Variants in CDKAL1 observed in about 807,000 individuals in gnomAD.
The protein encoded by CDKAL1 is threonylcarbamoyladenosine tRNA methylthiotransferase.
Under a neutral mutation model 68.2 loss-of-function variants are expected in CDKAL1, and 32 were observed. That is an observed-to-expected ratio of 0.47 (90% CI 0.35 to 0.63). The LOEUF (loss-of-function observed/expected upper bound fraction) is 0.63. Among genes scored for constraint, CDKAL1 ranks in the 30% least tolerant of loss-of-function variants. CDKAL1 has a pLI of 0.00. For synonymous variants in CDKAL1, 234 were observed against 244.3 expected (o/e 0.96, Z 0.39); for missense variants, 606 against 696.7 (o/e 0.87, Z 1.47).
chr6:21,203,880 G>C (rs1466493327), intron 15 of CDKAL1, among the ~76,000 whole-genome samples: 1 of 151,820 alleles, frequency 6.6e-6, no homozygotes, highest in East Asian at 1.9e-4. Context: ...GACCTCTTTT[G>C]ATGAAATTGA....
chr6:20,656,773 A>G (rs572797132), intron 5 of CDKAL1, among the ~76,000 whole-genome samples: 1 of 152,340 alleles, frequency 6.6e-6, no homozygotes, highest in Non-Finnish European at 1.5e-5. Flanking sequence ...TTAAGTAGAA[A>G]TGGCAAGAAA....
intron 13 of CDKAL1, among the ~76,000 whole-genome samples, chr6:21,182,358 A>G (rs1432802310): frequency 2.0e-5 from 3 of 152,230 alleles, no homozygotes; most frequent in Non-Finnish European, 4.4e-5. Context: ...ATTTACATTT[A>G]TTGAGAACCT....
chr6:20,971,031 T>A (rs1416044160), intron 10 of CDKAL1, among the ~76,000 whole-genome samples: 1 of 152,158 alleles, frequency 6.6e-6, no homozygotes, highest in Admixed American at 6.5e-5. Context: ...GCATTTTTAG[T>A]AGAGACGGGG....
chr6:20,535,909 C>A (rs933899355), intron 2 of CDKAL1, among the ~76,000 whole-genome samples: 3 of 152,112 alleles, frequency 2.0e-5, no homozygotes, highest in Admixed American at 2.0e-4. Context: ...ATGTTGACAT[C>A]TTTTCATGTG....
chr6:20,710,241 G>T (rs973416653), intron 5 of CDKAL1, among the ~76,000 whole-genome samples: 1 of 152,118 alleles, frequency 6.6e-6, no homozygotes, highest in African/African-American at 2.4e-5. Flanking sequence ...ATGCAACATT[G>T]TTTGTAGAAA....
chr6:21,127,386 A>G (rs150585360), intron 13 of CDKAL1, among the ~76,000 whole-genome samples: 242 of 152,336 alleles, frequency 1.6e-3, no homozygotes, highest in Admixed American at 4.3e-3. Context: ...TGATTGAACC[A>G]TGTTGGACCT....
At chr6:21,117,285 ATTG>A (rs1157397999) in intron 13 of CDKAL1, among the ~76,000 whole-genome samples, 1 of 111,978 alleles carries the variant, frequency 8.9e-6, no homozygotes, top group Non-Finnish European at 1.8e-5. Context: ...TTTCAGATAA[ATTG>A]TTTTTTTTTT....
chr6:20,985,811 A>C (rs1436873422), intron 10 of CDKAL1, among the ~76,000 whole-genome samples: 1 of 152,146 alleles, frequency 6.6e-6, no homozygotes, highest in Non-Finnish European at 1.5e-5. Flanking sequence ...TCAAAAAAAA[A>C]AAACAACTTT....
At chr6:20,911,046 C>T (rs980513262) in intron 9 of CDKAL1, among the ~76,000 whole-genome samples, 3 of 152,196 alleles carry the variant, frequency 2.0e-5, no homozygotes, top group Admixed American at 6.5e-5. Context: ...CCACCCTGTT[C>T]GTAGTACTTT....
At position 20,889,093 on chromosome 6, in the gene CDKAL1, G is replaced by C. The variant is rs1209869297; in HGVS notation, c.742+42915G>C. Among the ~76,000 whole-genome samples, 7 of 152,200 alleles carry C rather than the reference G, an allele frequency of 4.6e-5. No homozygotes were observed. In the East Asian group the frequency reaches 1.4e-3, roughly 29 times the overall value. On this transcript the variant is annotated intron_variant, in intron 9 of 15. Coordinates refer to ENST00000274695, the MANE Select transcript of CDKAL1 (RefSeq NM_017774.3). ...TGGTGTGAGATGGTATCTCATTGTGGTTTTGGTTTGCATTTCTCTGATGGC... is the reference window on the plus strand; with the variant it reads ...TGGTGTGAGATGGTATCTCATTGTGCTTTTGGTTTGCATTTCTCTGATGGC...
rs1348219865 is a variant in CDKAL1, at chr6:20,707,359, A to C, written c.372-32160A>C. 2.6e-5 allele frequency among the ~76,000 whole-genome samples: 4 copies of C among 152,240 alleles called. No individual in the cohort carries two copies. The East Asian group carries it at 7.7e-4, about 29-fold the overall frequency. The stretch of plus-strand genomic sequence containing the variant: ...TGACTACTGGGTGTTTGAAGTAAGA[A>C]AACAAATCCTTTTAAAAGTTATTAT... On this transcript the variant is annotated intron_variant, in intron 5 of 15. Coordinates refer to ENST00000274695, the MANE Select transcript of CDKAL1 (RefSeq NM_017774.3).
At chr6:20,951,932 C>CCTGCTTTTA (rs1023572498) in intron 9 of CDKAL1, among the ~76,000 whole-genome samples, 5 of 150,288 alleles carry the variant, frequency 3.3e-5, no homozygotes, top group African/African-American at 1.2e-4. Flanking sequence ...CTTAGTTCTT[C>CCTGCTTTTA]CTGCTTTTAT....
chr6:21,034,849 A>G (rs1034972657), intron 11 of CDKAL1, among the ~76,000 whole-genome samples: 4 of 152,206 alleles, frequency 2.6e-5, no homozygotes, highest in Non-Finnish European at 5.9e-5. Flanking sequence ...TCAAATATGA[A>G]CAATTCACAT....
intron 7 of CDKAL1, among the ~76,000 whole-genome samples, chr6:20,764,417 G>A (rs142555265): frequency 2.0e-5 from 3 of 152,230 alleles, no homozygotes; most frequent in Non-Finnish European, 2.9e-5. Flanking sequence ...AAGTTTCACC[G>A]ATTTTCTGTT....
At chr6:20,992,537 A>T (rs1766884185) in intron 10 of CDKAL1, among the ~76,000 whole-genome samples, 1 of 152,166 alleles carries the variant, frequency 6.6e-6, no homozygotes, top group South Asian at 2.1e-4. Context: ...GAACATCTGA[A>T]ATAGTTTTGC....
At chr6:20,978,214 G>T (rs148328674) in intron 10 of CDKAL1, among the ~76,000 whole-genome samples, 1 of 152,192 alleles carries the variant, frequency 6.6e-6, no homozygotes, top group Non-Finnish European at 1.5e-5. Flanking sequence ...CAGAGGTTCC[G>T]CTTTGGAGGG....
At chr6:21,061,536 C>G (rs969633359) in intron 11 of CDKAL1, among the ~76,000 whole-genome samples, 1 of 151,448 alleles carries the variant, frequency 6.6e-6, no homozygotes, top group African/African-American at 2.4e-5. Context: ...TAGCTTTTAC[C>G]CAGAATTAGC....
chr6:20,772,439 A>G (rs1324477081), intron 7 of CDKAL1, among the ~76,000 whole-genome samples: 1 of 152,154 alleles, frequency 6.6e-6, no homozygotes, highest in Non-Finnish European at 1.5e-5. Context: ...ACATAAGTCT[A>G]CTCCCACTGT....
intron 11 of CDKAL1, 113 bp from the exon 12 acceptor site, chr6:21,064,935 C>G (rs1771349259): frequency 6.1e-6 from 4 of 659,656 alleles, no homozygotes. Flanking sequence ...TGCACGTGTG[C>G]TTTTTATAAA....
Sources: allele counts gnomAD v4.1 joint callset (sites outside exome capture counted in the v4.1 genomes callset), GRCh38; gene constraint gnomAD v4.1.1; transcripts MANE v1.5; gene names NCBI Gene and HGNC (gene_info 2026-07-23, HGNC 2026-07-21).